The following AFG2A variants were observed in gnomAD, a reference collection of about 807,000 sequenced individuals.
The protein encoded by AFG2A is AAA ATPase AFG2A, also known as ATPase family gene 2 protein homolog A.
At chr4:122,975,467 T>A in the AFG2A span, among the ~76,000 whole-genome samples, 1 of 152,106 alleles carries the variant, frequency 6.6e-6, no homozygotes, top group Non-Finnish European at 1.5e-5. Context: ...GGTCTGAGAT[T>A]TTACTCTACT....
At chr4:123,075,794 C>T in the AFG2A span, among the ~76,000 whole-genome samples, 5 of 151,344 alleles carry the variant, frequency 3.3e-5, no homozygotes, top group Admixed American at 2.6e-4. Flanking sequence ...CCCATCTCTA[C>T]TAAAAATACA....
chr4:123,029,605 G>T, the AFG2A span, among the ~76,000 whole-genome samples: 1 of 152,074 alleles, frequency 6.6e-6, no homozygotes, highest in Non-Finnish European at 1.5e-5. Context: ...ATCACTTATG[G>T]GGAATCACAA....
chr4:123,071,279 G>T, the AFG2A span, among the ~76,000 whole-genome samples: 4 of 152,130 alleles, frequency 2.6e-5, no homozygotes, highest in Admixed American at 2.6e-4. Context: ...TCAGGAGTTG[G>T]AGACCAACCT....
the AFG2A span, among the ~76,000 whole-genome samples, chr4:123,225,256 T>A: frequency 6.6e-6 from 1 of 152,226 alleles, no homozygotes; most frequent in Non-Finnish European, 1.5e-5. Flanking sequence ...TGCCATTGCT[T>A]TTGGTGTTTT....
the AFG2A span, among the ~76,000 whole-genome samples, chr4:123,172,536 A>G: frequency 2.0e-5 from 3 of 152,142 alleles, no homozygotes; most frequent in Non-Finnish European, 4.4e-5. Flanking sequence ...CCTATAATCT[A>G]TAGGCGAAAA....
chr4:123,005,097 C>T, the AFG2A span, among the ~76,000 whole-genome samples: 1 of 152,082 alleles, frequency 6.6e-6, no homozygotes, highest in Non-Finnish European at 1.5e-5. Flanking sequence ...TTTACTTTCT[C>T]TTTTCCTTGG....
At chr4:123,152,399 G>C in the AFG2A span, among the ~76,000 whole-genome samples, 2 of 152,138 alleles carry the variant, frequency 1.3e-5, no homozygotes, top group Admixed American at 1.3e-4. Context: ...TACACAAAGA[G>C]CTTTTGAAAT....
the AFG2A span, among the ~76,000 whole-genome samples, chr4:123,138,067 CT>C: frequency 1.3e-5 from 2 of 152,144 alleles, no homozygotes; most frequent in Non-Finnish European, 2.9e-5. Flanking sequence ...CTTTTCTGTA[CT>C]GCTTGTTATG....
At chr4:123,275,060 T>C in the AFG2A span, among the ~76,000 whole-genome samples, 2 of 152,154 alleles carry the variant, frequency 1.3e-5, no homozygotes, top group Admixed American at 1.3e-4. Flanking sequence ...TCTGCAGTGC[T>C]TTTCCCTCAG....
chr4:123,179,966 T>G, the AFG2A span, among the ~76,000 whole-genome samples: 1 of 152,106 alleles, frequency 6.6e-6, no homozygotes, highest in Non-Finnish European at 1.5e-5. Context: ...CTGCCTGTAA[T>G]CCCCGCACTT....
At chr4:122,959,815 A>G in the AFG2A span, among the ~76,000 whole-genome samples, 1 of 152,216 alleles carries the variant, frequency 6.6e-6, no homozygotes, top group African/African-American at 2.4e-5. Flanking sequence ...CTTACTCTCA[A>G]CATCTCTAAT....
the AFG2A span, among the ~76,000 whole-genome samples, chr4:123,201,961 A>G: frequency 6.6e-6 from 1 of 152,184 alleles, no homozygotes; most frequent in South Asian, 2.1e-4. Context: ...AACAATAATA[A>G]TAACAGAAAC....
At chr4:123,231,448 T>A in the AFG2A span, among the ~76,000 whole-genome samples, 1 of 152,014 alleles carries the variant, frequency 6.6e-6, no homozygotes. Context: ...GGTTAGGGCC[T>A]TGCTTTGGAT....
chr4:122,949,003 T>C, the AFG2A span, among the ~76,000 whole-genome samples: 1 of 152,082 alleles, frequency 6.6e-6, no homozygotes, highest in Admixed American at 6.5e-5. Context: ...TATAGAAAGT[T>C]TTTCAAGGGC....
chr4:123,242,048 T>C, the AFG2A span, among the ~76,000 whole-genome samples: 3 of 151,964 alleles, frequency 2.0e-5, no homozygotes, highest in African/African-American at 7.3e-5. Context: ...GAAAATAAGA[T>C]ACCTAGGAAT....
the AFG2A span, among the ~76,000 whole-genome samples, chr4:123,232,660 A>G: frequency 6.6e-6 from 1 of 151,952 alleles, no homozygotes; most frequent in Non-Finnish European, 1.5e-5. Flanking sequence ...CTAAGACAGG[A>G]TAATGTGTTG....
chr4:123,246,747 G>GA, the AFG2A span, among the ~76,000 whole-genome samples: 9 of 152,136 alleles, frequency 5.9e-5, no homozygotes, highest in Non-Finnish European at 1.3e-4. Flanking sequence ...CAACCACTGG[G>GA]AAAGTCTGCC....
chr4:122,955,825 G>T, the AFG2A span, among the ~76,000 whole-genome samples: 800 of 152,266 alleles, frequency 5.3e-3, 7 homozygotes, highest in African/African-American at 0.018. Flanking sequence ...GGTACATTTT[G>T]CTCTAGGACT....
the AFG2A span, among the ~76,000 whole-genome samples, chr4:123,034,716 T>C: frequency 1.3e-5 from 2 of 152,116 alleles, no homozygotes; most frequent in Admixed American, 6.5e-5. Flanking sequence ...AGGGCAACAG[T>C]GTACATGGGT....
Sources: allele counts gnomAD v4.1 joint callset (sites outside exome capture counted in the v4.1 genomes callset), GRCh38; gene constraint gnomAD v4.1.1; transcripts MANE v1.5; gene names NCBI Gene and HGNC (gene_info 2026-07-23, HGNC 2026-07-21).